The following TPPP variants were observed in gnomAD, a reference collection of about 807,000 sequenced individuals.
TPPP encodes tubulin polymerization-promoting protein.
In TPPP, 6 loss-of-function variants were observed where a neutral mutation model predicts 15.5. The ratio of observed to expected loss-of-function variants is 0.39; its 90% CI spans 0.21 to 0.77. The LOEUF (loss-of-function observed/expected upper bound fraction) is 0.77. TPPP is among the 30% of genes least tolerant of loss of function. TPPP has a pLI of 0.42. For missense variants in TPPP, 269 were observed against 307.2 expected (o/e 0.88, Z 0.93); for synonymous variants, 146 against 133.9 (o/e 1.09, Z -0.63).
chr5:666,597 G>A (rs1739926055), intron 2 of TPPP, among the ~76,000 whole-genome samples: 1 of 152,212 alleles, frequency 6.6e-6, no homozygotes, highest in African/African-American at 2.4e-5. Flanking sequence ...ATGGGCGCAG[G>A]CCCACGCCTC....
At chr5:669,261 C>T (rs1285700517) in intron 2 of TPPP, among the ~76,000 whole-genome samples, 2 of 142,010 alleles carry the variant, frequency 1.4e-5, no homozygotes, top group East Asian at 2.2e-4. Context: ...AGCAGCATCC[C>T]CCAGGGGGCG....
chr5:670,990 C>T (rs190201980), intron 2 of TPPP, among the ~76,000 whole-genome samples: 22 of 152,344 alleles, frequency 1.4e-4, no homozygotes, highest in African/African-American at 4.8e-4. Flanking sequence ...CACTGGGCCA[C>T]GGCAGCTCAG....
intron 2 of TPPP, among the ~76,000 whole-genome samples, chr5:673,286 AG>A (rs1305610076): frequency 6.6e-6 from 1 of 152,174 alleles, no homozygotes; most frequent in Non-Finnish European, 1.5e-5. Flanking sequence ...GTGAGTTTTT[AG>A]GCCCCTTGCT....
Position 664,930 on chromosome 5 carries a change from G to A in TPPP, c.*172C>T, listed in dbSNP as rs1209986502. ...CTGGTTTGAGAGGGGAGTGCTGGGG[G>A]CATCCGGTAGGAGGAGGGGCAGGAG... On this transcript the variant is annotated 3_prime_UTR_variant, in exon 4 of 4. Coordinates refer to ENST00000360578, the MANE Select transcript of TPPP (RefSeq NM_007030.3). 4 of 692,796 alleles carry A rather than the reference G, an allele frequency of 5.8e-6. No homozygotes were observed. Among genetic ancestry groups the A allele is most frequent in the Non-Finnish European group, 9.5e-6 (4 of 420,708 alleles). 42.9% of individuals were successfully genotyped at this position (692,796 alleles called of 1,614,324 possible). A position where few individuals can be genotyped will look rare whatever the true frequency, so the allele number is the denominator to read the frequency against.
intron 1 of TPPP, among the ~76,000 whole-genome samples, chr5:686,423 C>G (rs1240167252): frequency 2.0e-5 from 3 of 152,050 alleles, no homozygotes; most frequent in Non-Finnish European, 4.4e-5. Flanking sequence ...ACTGCAGAAC[C>G]AGGGGCTGGT....
intron 2 of TPPP, among the ~76,000 whole-genome samples, chr5:669,799 C>T (rs915612589): frequency 1.2e-4 from 19 of 152,042 alleles, no homozygotes; most frequent in African/African-American, 1.7e-4. Context: ...CCAGGAGACC[C>T]GGGTGCCCCC....
chr5:666,099 G>A lies in TPPP; in HGVS notation c.336C>T (p.Thr112=), dbSNP rs544592787. 5 of 1,611,570 alleles carry A rather than the reference G, an allele frequency of 3.1e-6. No individual in the cohort carries two copies. In the African/African-American group the frequency reaches 6.7e-5, roughly 22 times the overall value. ...KIKGKSCRTI[T]FEQFQEALEE... is the part of the protein sequence containing the mutation. The stretch of plus-strand genomic sequence containing the variant: ...CCAGCGCCTCCTGGAACTGCTCAAA[G>A]GTGATGGTCCGGCAAGACTTCCCTC... Residue 112 remains threonine, a synonymous_variant, in exon 3 of 4, where the codon ACC becomes ACT. Transcript: ENST00000360578.
chr5:667,966 G>C lies in TPPP; in HGVS notation c.312-1843C>G, dbSNP rs60172188. Among the ~76,000 whole-genome samples, 7 of 31,530 alleles carry C rather than the reference G, an allele frequency of 2.2e-4. 1 individual carries two copies. The highest frequency in any genetic ancestry group is 1.7e-3 in the African/African-American group (4 of 2,292). 20.7% of individuals were successfully genotyped at this position (31,530 alleles called of 152,430 possible). ...CGTGTGGGCGCCGTCAGGGAAGTGC[G>C]GACAAGCACACAGAGAGGGGGCCGT... On this transcript the variant is annotated intron_variant, in intron 2 of 3. Coordinates refer to ENST00000360578, the MANE Select transcript of TPPP (RefSeq NM_007030.3).
At chr5:671,455 G>C (rs1740221670) in intron 2 of TPPP, among the ~76,000 whole-genome samples, 1 of 152,218 alleles carries the variant, frequency 6.6e-6, no homozygotes, top group Non-Finnish European at 1.5e-5. Flanking sequence ...CCTGAAGTCA[G>C]TTTCTGGCTG....
rs1246088186 is a variant in TPPP at position 661,505 on chromosome 5, T to C, written c.*3597A>G. ...TCTCCTGGTTTGCAGGTTGTGCAGT[T>C]TGTTATTCACAAATACACATTTATT... is the stretch of plus-strand genomic sequence containing the variant. On this transcript the variant is annotated 3_prime_UTR_variant, in exon 4 of 4. Coordinates refer to ENST00000360578, the MANE Select transcript of TPPP (RefSeq NM_007030.3). 6.6e-6 allele frequency: 1 copy of C among 152,438 alleles called. No homozygotes were observed. The highest frequency in any genetic ancestry group is 1.5e-5 in the Non-Finnish European group (1 of 68,084). 9.4% of individuals were successfully genotyped at this position (152,438 alleles called of 1,614,324 possible).
intron 1 of TPPP, among the ~76,000 whole-genome samples, chr5:681,480 G>A (rs897652616): frequency 2.0e-5 from 3 of 152,186 alleles, no homozygotes; most frequent in African/African-American, 7.2e-5. Context: ...GTACTCCCAG[G>A]CCTGTGTCTT....
chr5:668,567 T>C (rs954547694), intron 2 of TPPP, among the ~76,000 whole-genome samples: 3 of 152,146 alleles, frequency 2.0e-5, no homozygotes, highest in African/African-American at 7.2e-5. Context: ...TGCCGGCACC[T>C]CGAGCTGAGC....
At chr5:679,643 CAG>C (rs1561090387) in intron 1 of TPPP, among the ~76,000 whole-genome samples, 1 of 152,066 alleles carries the variant, frequency 6.6e-6, no homozygotes, top group Non-Finnish European at 1.5e-5. Context: ...GCACCCAGAA[CAG>C]TGGTGGGTGT....
At chr5:681,197 C>G (rs1217448592) in intron 1 of TPPP, among the ~76,000 whole-genome samples, 1 of 152,178 alleles carries the variant, frequency 6.6e-6, no homozygotes, top group Non-Finnish European at 1.5e-5. Flanking sequence ...CTGGGCACAG[C>G]ACACCTGAGC....
At chr5:679,812 A>G (rs1483334698) in intron 1 of TPPP, among the ~76,000 whole-genome samples, 2 of 151,220 alleles carry the variant, frequency 1.3e-5, no homozygotes, top group Admixed American at 6.6e-5. Context: ...GCCTGGGAGC[A>G]AAGGGATGAG....
intron 1 of TPPP, among the ~76,000 whole-genome samples, chr5:684,743 G>A (rs1318212612): frequency 1.6e-5 from 1 of 62,430 alleles, no homozygotes; most frequent in African/African-American, 4.6e-5. Context: ...GAGCGCAGAC[G>A]GTTCCTGTTT....
At chr5:693,695 T>G (rs1740961668), upstream of TPPP, among the ~76,000 whole-genome samples, 1 of 151,114 alleles carries the variant, frequency 6.6e-6, no homozygotes, top group Non-Finnish European at 1.5e-5. Context: ...GACCCCGATC[T>G]CTCCGCCCCG....
chr5:693,001 G>C (rs1310769746), intron 1 of TPPP, among the ~76,000 whole-genome samples: 1 of 151,182 alleles, frequency 6.6e-6, no homozygotes, highest in Non-Finnish European at 1.5e-5. Context: ...GCCCGGAGAC[G>C]GTGACAGACC....
chr5:677,041 A>G (rs1740472789), intron 2 of TPPP, among the ~76,000 whole-genome samples: 1 of 150,978 alleles, frequency 6.6e-6, no homozygotes, highest in Admixed American at 6.6e-5. Context: ...CACGACGCGG[A>G]AACGCACACA....
Sources: gnomAD v4.1 joint callset for allele counts (sites outside exome capture counted in the v4.1 genomes callset) on GRCh38, gnomAD v4.1.1 for gene constraint, MANE v1.5 for transcripts, NCBI Gene and HGNC (gene_info 2026-07-23, HGNC 2026-07-21) for gene names.